The following WWOX variants were observed in gnomAD, a reference collection of about 807,000 sequenced individuals.
The protein encoded by WWOX is WW domain containing oxidoreductase.
In WWOX, 69 loss-of-function variants were observed where a neutral mutation model predicts 46.2. The ratio of observed to expected loss-of-function variants is 1.49; its 90% confidence interval spans 1.23 to 1.82. The LOEUF (loss-of-function observed/expected upper bound fraction) is 1.82, where lower values mean the gene tolerates loss of function less well. Among genes scored for constraint, WWOX ranks in the 40% most tolerant of loss-of-function variants. The probability of loss-of-function intolerance (pLI) is 0.00; values close to 1 mark genes in which losing one functional copy is unlikely to be tolerated. For synonymous variants in WWOX, 359 were observed against 202.6 expected (o/e 1.77, Z -6.56); for missense variants, 919 against 542.6 (o/e 1.69, Z -6.89).
intron 8 of WWOX, among the ~76,000 whole-genome samples, chr16:78,819,916 C>T (rs1195387496): frequency 6.6e-6 from 1 of 151,272 alleles, no homozygotes; most frequent in African/African-American, 2.4e-5. Context: ...TAGATGGACT[C>T]ATTATTTACT....
intron 5 of WWOX, among the ~76,000 whole-genome samples, chr16:78,179,121 CAG>C (rs1165461680): frequency 6.6e-6 from 1 of 152,130 alleles, no homozygotes; most frequent in Non-Finnish European, 1.5e-5. Flanking sequence ...GACAGAAACA[CAG>C]AAATAATTCT....
chr16:78,412,475 G>C lies in WWOX; in HGVS notation c.606-12395G>C, dbSNP rs1417991864. Among the ~76,000 whole-genome samples, 10 of 152,300 alleles carry C rather than the reference G, an allele frequency of 6.6e-5. No individual in the cohort carries two copies. In the East Asian group the frequency reaches 1.9e-3, roughly 29 times the overall value. On this transcript the variant is annotated intron_variant, in intron 6 of 8. Coordinates refer to ENST00000566780, the MANE Select transcript of WWOX (RefSeq NM_016373.4). ...TTTGTTCGGAGTCATGGATTTGGAA[G>C]AAACTGCTGCAGGGAAGATTTTAGA...
chr16:78,739,218 C>G (rs758627374), intron 8 of WWOX, among the ~76,000 whole-genome samples: 1 of 152,048 alleles, frequency 6.6e-6, no homozygotes, highest in Admixed American at 6.6e-5. Context: ...TTGTGTTTGC[C>G]GAATGAAAGT....
rs557880841 is a variant in WWOX, at chr16:78,682,591, C to G, written c.1056+249839C>G. On this transcript the variant is annotated intron_variant, in intron 8 of 8. Transcript: ENST00000566780. Reference sequence around the variant, plus strand: ...GAGCGAGACCCTGTCTCTGAAGATACAAGAAGGCCACATGTGGTGGTTCAC... The same window carrying G: ...GAGCGAGACCCTGTCTCTGAAGATAGAAGAAGGCCACATGTGGTGGTTCAC... 3.3e-3 allele frequency among the ~76,000 whole-genome samples: 502 copies of G among 152,156 alleles called. 3 individuals are homozygous for G. Among genetic ancestry groups the G allele is most frequent in the African/African-American group, 0.012 (483 of 41,494 alleles).
intron 8 of WWOX, among the ~76,000 whole-genome samples, chr16:79,134,531 C>T (rs902742259): frequency 6.6e-6 from 1 of 152,156 alleles, no homozygotes; most frequent in Non-Finnish European, 1.5e-5. Context: ...GGGGCCCACT[C>T]CTACCTGGGG....
rs546276948 is a variant in WWOX, at chr16:78,479,185, A to T, written c.1056+46433A>T. Among the ~76,000 whole-genome samples, 4 of 152,388 alleles carry T rather than the reference A, an allele frequency of 2.6e-5. No individual in the cohort carries two copies. In the South Asian group the frequency reaches 8.3e-4, roughly 32 times the overall value. On this transcript the variant is annotated intron_variant, in intron 8 of 8. Transcript: ENST00000566780. ...TTGTTTTCTTTCTGTTTGGATTAAC[A>T]TATTCTCCATCACTGTGTAACTTCA...
At chr16:78,283,848 T>C (rs2079724935) in intron 5 of WWOX, among the ~76,000 whole-genome samples, 1 of 152,228 alleles carries the variant, frequency 6.6e-6, no homozygotes, top group East Asian at 1.9e-4. Flanking sequence ...TTATTGGATA[T>C]TGTAATTGAC....
intron 5 of WWOX, among the ~76,000 whole-genome samples, chr16:78,243,925 T>G (rs2037737409): frequency 6.6e-6 from 1 of 152,206 alleles, no homozygotes; most frequent in Non-Finnish European, 1.5e-5. Context: ...TAGTTGGTTT[T>G]CTCTTCCCGC....
At chr16:79,018,368 A>G (rs1439951746) in intron 8 of WWOX, among the ~76,000 whole-genome samples, 15 of 152,200 alleles carry the variant, frequency 9.9e-5, no homozygotes, top group African/African-American at 7.2e-5. Context: ...TGTAAACATT[A>G]TGATTTGTCA....
chr16:78,997,631 T>C (rs376301835), intron 8 of WWOX, among the ~76,000 whole-genome samples: 11 of 152,090 alleles, frequency 7.2e-5, no homozygotes, highest in Admixed American at 5.9e-4. Context: ...TATGGTGAAT[T>C]TGCACTAGTA....
At chr16:78,399,471 G>A (rs2082362691) in intron 6 of WWOX, among the ~76,000 whole-genome samples, 1 of 152,174 alleles carries the variant, frequency 6.6e-6, no homozygotes, top group Admixed American at 6.5e-5. Flanking sequence ...GGCTTCCCTG[G>A]AGTGGACATG....
chr16:79,031,887 T>TATCTA (rs1567501163), intron 8 of WWOX, among the ~76,000 whole-genome samples: 2 of 51,884 alleles, frequency 3.9e-5, no homozygotes, highest in African/African-American at 9.1e-5. Flanking sequence ...TACAGATATC[T>TATCTA]GTATACAGAT....
chr16:78,485,428 C>G (rs1375492152), intron 8 of WWOX, among the ~76,000 whole-genome samples: 1 of 152,170 alleles, frequency 6.6e-6, no homozygotes, highest in Non-Finnish European at 1.5e-5. Context: ...CTCTTTCCCC[C>G]TCAACTTCCA....
rs187560862 is a variant in WWOX at position 78,834,224 on chromosome 16, G to T, written c.1057-377384G>T. 4.6e-5 allele frequency among the ~76,000 whole-genome samples: 7 copies of T among 152,226 alleles called. No homozygotes were observed. In the East Asian group the frequency reaches 9.7e-4, roughly 21 times the overall value. ...GCATTGTTTGTGCCGAACAGGGCCC[G>T]TGTGTTCTGATAGCAAACATGGAGA... On this transcript the variant is annotated intron_variant, in intron 8 of 8. Coordinates refer to ENST00000566780, the MANE Select transcript of WWOX (RefSeq NM_016373.4).
At chr16:79,195,835 G>A (rs539733054) in intron 8 of WWOX, among the ~76,000 whole-genome samples, 76 of 152,304 alleles carry the variant, frequency 5.0e-4, no homozygotes, top group African/African-American at 1.8e-3. Flanking sequence ...ATGCAAATGT[G>A]TGAGGAATTA....
intron 7 of WWOX, 59 bp downstream of exon 7, chr16:78,425,114 C>T (rs1032182347): frequency 1.3e-6 from 2 of 1,599,550 alleles, no homozygotes; most frequent in Non-Finnish European, 1.7e-6. Flanking sequence ...CTAATATTCC[C>T]CCAAGGCTCT....
At chr16:78,931,600 G>C (rs187687876) in intron 8 of WWOX, among the ~76,000 whole-genome samples, 2 of 152,326 alleles carry the variant, frequency 1.3e-5, no homozygotes, top group East Asian at 3.9e-4. Context: ...GTCTAATAGA[G>C]GAGGCACATA....
intron 8 of WWOX, among the ~76,000 whole-genome samples, chr16:78,627,007 C>G (rs922799592): frequency 3.3e-5 from 5 of 152,066 alleles, no homozygotes; most frequent in African/African-American, 1.2e-4. Context: ...GTTTTCACTT[C>G]TTTTTTGCTT....
At chr16:78,576,832 TA>T (rs1199524634) in intron 8 of WWOX, among the ~76,000 whole-genome samples, 2 of 152,228 alleles carry the variant, frequency 1.3e-5, no homozygotes, top group Non-Finnish European at 2.9e-5. Flanking sequence ...CCCTGTCCCT[TA>T]AAATAAATGC....
Sources: gnomAD v4.1 joint callset for allele counts (sites outside exome capture counted in the v4.1 genomes callset) on GRCh38, gnomAD v4.1.1 for gene constraint, MANE v1.5 for transcripts, NCBI Gene and HGNC (gene_info 2026-07-23, HGNC 2026-07-21) for gene names.